Variants in PCDH15 observed in about 807,000 individuals in gnomAD.
PCDH15 encodes the protein protocadherin-15.
A neutral mutation model predicts 178.5 loss-of-function variants in PCDH15; 129 were observed. The ratio of observed to expected loss-of-function variants is 0.72; its 90% confidence interval spans 0.63 to 0.84. The LOEUF (loss-of-function observed/expected upper bound fraction) is 0.84, where lower values mean the gene tolerates loss of function less well. Among genes scored for constraint, PCDH15 ranks in the 40% least tolerant of loss-of-function variants. The pLI is 0.00. For missense variants in PCDH15, 2,230 were observed against 2,099.9 expected, an observed-to-expected ratio of 1.06 and a Z score of -1.21; for synonymous variants, 800 against 732.0, an observed-to-expected ratio of 1.09 and a Z score of -1.50.
chr10:55,262,512 C>G (rs1842171701), intron 1 of PCDH15, among the ~76,000 whole-genome samples: 1 of 152,174 alleles, frequency 6.6e-6, no homozygotes, highest in Admixed American at 6.5e-5. Flanking sequence ...GCATAAGCGG[C>G]TGAATATTGA....
At chr10:54,136,010 C>T (rs12250179) in intron 14 of PCDH15, among the ~76,000 whole-genome samples, 2,351 of 152,266 alleles carry the variant, frequency 0.015, 76 homozygotes, top group African/African-American at 0.054. Context: ...TTATTCCACT[C>T]TATGAATAGT....
At chr10:54,440,252 G>C (rs372672918) in intron 3 of PCDH15, among the ~76,000 whole-genome samples, 48 of 152,124 alleles carry the variant, frequency 3.2e-4, no homozygotes, top group African/African-American at 9.9e-4. Context: ...GAAAGCCCTT[G>C]TGTTTAATGC....
intron 1 of PCDH15, among the ~76,000 whole-genome samples, chr10:55,259,356 G>C (rs1479821211): frequency 6.6e-6 from 1 of 152,052 alleles, no homozygotes. Context: ...TCTTGGAAAG[G>C]GAAAAGAAAA....
chr10:54,320,636 T>C (rs2061541820), intron 7 of PCDH15, among the ~76,000 whole-genome samples: 1 of 152,072 alleles, frequency 6.6e-6, no homozygotes, highest in Non-Finnish European at 1.5e-5. Flanking sequence ...ACTGATCTTT[T>C]ATTTAATTGG....
At chr10:54,858,004 G>A (rs907276857) in intron 3 of PCDH15, among the ~76,000 whole-genome samples, 3 of 150,886 alleles carry the variant, frequency 2.0e-5, no homozygotes, top group Admixed American at 6.6e-5. Flanking sequence ...TTACTAACTA[G>A]GGTTATGTTG....
intron 2 of PCDH15, among the ~76,000 whole-genome samples, chr10:54,618,123 T>C (rs983017188): frequency 1.1e-4 from 17 of 152,046 alleles, no homozygotes; most frequent in Non-Finnish European, 2.2e-4. Flanking sequence ...GTCAGTATAA[T>C]ATGAGAAGAG....
intron 25 of PCDH15, among the ~76,000 whole-genome samples, chr10:53,906,364 G>A (rs887250822): frequency 2.6e-5 from 4 of 151,820 alleles, no homozygotes; most frequent in Non-Finnish European, 5.9e-5. Flanking sequence ...CCTTTCCAGA[G>A]CTTGGTTTAC....
chr10:54,346,344 T>G (rs1381277011), intron 6 of PCDH15, 21 bp downstream of exon 6: 1 of 1,609,542 alleles, frequency 6.2e-7, no homozygotes, highest in Non-Finnish European at 8.5e-7. Context: ...AAAATTACAT[T>G]GCAAATAGGT....
intron 9 of PCDH15, among the ~76,000 whole-genome samples, chr10:54,219,920 T>C (rs2052597660): frequency 6.6e-6 from 1 of 152,026 alleles, no homozygotes; most frequent in East Asian, 1.9e-4. Flanking sequence ...AGGAAAAAAA[T>C]TGATAGACAT....
At chr10:55,339,904 A>G (rs549750129) in intron 2 of PCDH15, among the ~76,000 whole-genome samples, 5 of 151,938 alleles carry the variant, frequency 3.3e-5, no homozygotes, top group African/African-American at 9.6e-5. Flanking sequence ...TTGCTCCACC[A>G]ATGAAATCTT....
chr10:54,589,849 GTCTCCC>G, intron 2 of PCDH15, among the ~76,000 whole-genome samples: 2 of 152,188 alleles, frequency 1.3e-5, no homozygotes, highest in Middle Eastern at 6.8e-3. Flanking sequence ...GCCTGCCTCA[GTCTCCC>G]AAAGTGCTGG....
intron 5 of PCDH15, among the ~76,000 whole-genome samples, chr10:54,359,111 G>A (rs984800868): frequency 6.6e-5 from 10 of 151,780 alleles, no homozygotes; most frequent in African/African-American, 1.7e-4. Context: ...GTGTACATAT[G>A]TAACTAACCT....
chr10:55,143,120 G>T (rs1370238042), intron 2 of PCDH15, among the ~76,000 whole-genome samples: 3 of 152,036 alleles, frequency 2.0e-5, no homozygotes, highest in Non-Finnish European at 4.4e-5. Context: ...TGTAAGTGGT[G>T]CCTTGCTTCC....
At chr10:53,930,402 G>A (rs143557101) in intron 25 of PCDH15, among the ~76,000 whole-genome samples, 8 of 121,900 alleles carry the variant, frequency 6.6e-5, no homozygotes, top group Non-Finnish European at 9.5e-5. Context: ...AGCTTGCAAC[G>A]AGCTGAGACC....
chr10:53,940,932 C>A lies in PCDH15; in HGVS notation c.3166G>T (p.Gly1056Cys). Residue 1056 changes from glycine to cysteine, a missense_variant, in exon 24 of 38, where the codon GGT becomes TGT. By Grantham distance (159) the Gly-to-Cys change is radical. Transcript: ENST00000644397. ...TTAATGGCAGCAGCAGAAATTACAC[C>A]AACCATGGTCCCTTTGGTGGCAAGT... ...SELATKGTMV[G>C]VISAAAINQS... 1 of 1,613,672 alleles carries A rather than the reference C, an allele frequency of 6.2e-7. No homozygotes were observed. The highest frequency in any genetic ancestry group is 1.3e-5 in the African/African-American group (1 of 74,998).
chr10:55,441,570 T>C (rs1839185792), intron 2 of PCDH15, among the ~76,000 whole-genome samples: 1 of 152,208 alleles, frequency 6.6e-6, no homozygotes, highest in South Asian at 2.1e-4. Flanking sequence ...GGGATTTATC[T>C]AAGACCTCTT....
chr10:54,841,560 A>G (rs1953417635), intron 3 of PCDH15, among the ~76,000 whole-genome samples: 1 of 151,744 alleles, frequency 6.6e-6, no homozygotes, highest in Non-Finnish European at 1.5e-5. Flanking sequence ...AATTAGAGCA[A>G]CAAATAATAT....
At chr10:54,932,045 A>G (rs1837791438) in intron 2 of PCDH15, among the ~76,000 whole-genome samples, 1 of 152,178 alleles carries the variant, frequency 6.6e-6, no homozygotes, top group South Asian at 2.1e-4. Context: ...CAGTGATTCC[A>G]TAAGATAATA....
At chr10:54,394,627 G>A (rs370783359) in intron 3 of PCDH15, among the ~76,000 whole-genome samples, 3 of 152,098 alleles carry the variant, frequency 2.0e-5, no homozygotes, top group Non-Finnish European at 4.4e-5. Context: ...ATGAAGTTTC[G>A]GGCACCATTG....
Sources: allele counts gnomAD v4.1 joint callset (sites outside exome capture counted in the v4.1 genomes callset), GRCh38; gene constraint gnomAD v4.1.1; transcripts MANE v1.5; gene names NCBI Gene and HGNC (gene_info 2026-07-23, HGNC 2026-07-21).